FHIT: variants seen among roughly 807,000 people sequenced by gnomAD.
FHIT encodes bis(5'-adenosyl)-triphosphatase.
A neutral mutation model predicts 17.9 loss-of-function variants in FHIT; 19 were observed. The observed-to-expected ratio is 1.06, with a 90% confidence interval of 0.74 to 1.56. The LOEUF is 1.56. Among genes scored for constraint, FHIT ranks in the 40% most tolerant of loss-of-function variants. The pLI, the probability that FHIT is intolerant of heterozygous loss-of-function variation, is 0.00. For synonymous variants in FHIT, 81 were observed against 69.7 expected, an observed-to-expected ratio of 1.16 and a Z score of -0.81; for missense variants, 248 against 189.2, an observed-to-expected ratio of 1.31 and a Z score of -1.82.
At chr3:60,714,004 C>T (rs2041612434) in intron 4 of FHIT, among the ~76,000 whole-genome samples, 1 of 152,078 alleles carries the variant, frequency 6.6e-6, no homozygotes, top group Non-Finnish European at 1.5e-5. Context: ...AGACCAATAT[C>T]CTTGATGAAC....
chr3:61,073,193 T>C (rs988202196), intron 2 of FHIT, among the ~76,000 whole-genome samples: 2 of 152,198 alleles, frequency 1.3e-5, no homozygotes, highest in African/African-American at 4.8e-5. Context: ...GTTCCCTAGA[T>C]AGATCAGGAT....
intron 5 of FHIT, among the ~76,000 whole-genome samples, chr3:60,179,554 G>A (rs1228023680): frequency 2.0e-5 from 3 of 152,084 alleles, no homozygotes; most frequent in Non-Finnish European, 2.9e-5. Context: ...GGGATTTTTG[G>A]AGGATGTGCC....
chr3:60,193,911 G>A (rs764676173), intron 5 of FHIT, among the ~76,000 whole-genome samples: 5 of 152,098 alleles, frequency 3.3e-5, no homozygotes, highest in East Asian at 1.9e-4. Context: ...AAATGGGCTC[G>A]CTTTCCAATC....
intron 1 of FHIT, among the ~76,000 whole-genome samples, chr3:61,216,224 A>C (rs2039670020): frequency 6.6e-6 from 1 of 152,230 alleles, no homozygotes; most frequent in Non-Finnish European, 1.5e-5. Context: ...GAATCGGAGA[A>C]AATGTTTGCA....
chr3:60,421,853 G>A (rs988478579), intron 5 of FHIT, among the ~76,000 whole-genome samples: 3 of 152,142 alleles, frequency 2.0e-5, no homozygotes, highest in Non-Finnish European at 4.4e-5. Context: ...GTATGTATGT[G>A]ATGAGTATGG....
chr3:60,826,690 G>A (rs530835023), intron 3 of FHIT, among the ~76,000 whole-genome samples: 3 of 152,140 alleles, frequency 2.0e-5, no homozygotes, highest in Non-Finnish European at 4.4e-5. Context: ...GAATGACAAG[G>A]AGCTCTCTGC....
intron 8 of FHIT, among the ~76,000 whole-genome samples, chr3:59,919,478 C>A (rs773219642): frequency 6.6e-6 from 1 of 152,172 alleles, no homozygotes; most frequent in Non-Finnish European, 1.5e-5. Context: ...CTTCCCTCTA[C>A]AAGTCTTCCT....
chr3:60,253,015 A>G (rs1705806211), intron 5 of FHIT, among the ~76,000 whole-genome samples: 1 of 152,054 alleles, frequency 6.6e-6, no homozygotes, highest in African/African-American at 2.4e-5. Flanking sequence ...ATAAATGAAT[A>G]AATAATAAAA....
At chr3:60,802,573 T>C (rs563805713) in intron 4 of FHIT, among the ~76,000 whole-genome samples, 2 of 152,344 alleles carry the variant, frequency 1.3e-5, no homozygotes, top group African/African-American at 4.8e-5. Flanking sequence ...TTTCAAAATG[T>C]CCTTCATCCT....
At chr3:60,499,602 A>G (rs961638573) in intron 5 of FHIT, among the ~76,000 whole-genome samples, 2 of 152,006 alleles carry the variant, frequency 1.3e-5, no homozygotes, top group African/African-American at 2.4e-5. Context: ...CGTGGCCTTG[A>G]TCTCCTGACC....
Position 59,917,157 on chromosome 3 carries a change from A to C in FHIT, c.348+5189T>G, listed in dbSNP as rs562107159. 3.9e-5 allele frequency among the ~76,000 whole-genome samples: 6 copies of C among 152,334 alleles called. No individual in the cohort carries two copies. In the South Asian group the frequency reaches 1.2e-3, roughly 32 times the overall value. On this transcript the variant is annotated intron_variant, in intron 8 of 9. Transcript: ENST00000492590. ...TTTTAGCAAGTTGATTTTGCTCATG[A>C]ATTGTGTTAAGCCAAGCAATTGTTT... is the stretch of plus-strand genomic sequence containing the variant.
At chr3:60,713,537 T>A (rs1553705780) in intron 4 of FHIT, among the ~76,000 whole-genome samples, 2 of 150,520 alleles carry the variant, frequency 1.3e-5, no homozygotes, top group African/African-American at 2.4e-5. Context: ...CTAGCAAGAC[T>A]AATAAAGAAA....
chr3:60,229,236 G>A (rs1301123727), intron 5 of FHIT, among the ~76,000 whole-genome samples: 1 of 152,038 alleles, frequency 6.6e-6, no homozygotes, highest in East Asian at 1.9e-4. Context: ...GGGCAACATG[G>A]TGAAACCCTG....
chr3:60,580,193 T>C (rs140804185), intron 4 of FHIT, among the ~76,000 whole-genome samples: 2 of 152,264 alleles, frequency 1.3e-5, no homozygotes, highest in South Asian at 2.1e-4. Context: ...ATACAGTGTA[T>C]AAATGTCTAC....
At chr3:60,784,635 C>T (rs1700502811) in intron 4 of FHIT, among the ~76,000 whole-genome samples, 2 of 152,214 alleles carry the variant, frequency 1.3e-5, no homozygotes, top group African/African-American at 4.8e-5. Flanking sequence ...AGTACTTGGC[C>T]TCCTTCCAGG....
intron 4 of FHIT, among the ~76,000 whole-genome samples, chr3:60,809,532 CA>C (rs1360445598): frequency 2.0e-5 from 3 of 152,144 alleles, no homozygotes; most frequent in Non-Finnish European, 4.4e-5. Flanking sequence ...CTGTGATTTG[CA>C]AACTCTCCTC....
chr3:60,810,133 C>A (rs548771657), intron 4 of FHIT, among the ~76,000 whole-genome samples: 2 of 152,336 alleles, frequency 1.3e-5, no homozygotes, highest in South Asian at 4.1e-4. Context: ...AGCCTCAACA[C>A]ACCCAAGTTG....
chr3:60,178,613 A>C (rs1248050596), intron 5 of FHIT, among the ~76,000 whole-genome samples: 4 of 152,098 alleles, frequency 2.6e-5, no homozygotes, highest in African/African-American at 9.7e-5. Flanking sequence ...AGAAAGAAAA[A>C]GCACAGATAT....
intron 4 of FHIT, among the ~76,000 whole-genome samples, chr3:60,688,966 C>T (rs1182710833): frequency 1.3e-5 from 2 of 152,006 alleles, no homozygotes; most frequent in East Asian, 3.9e-4. Context: ...GGCTCTGTGT[C>T]CCCACCCAAA....
Sources: gnomAD v4.1 joint callset for allele counts (sites outside exome capture counted in the v4.1 genomes callset) on GRCh38, gnomAD v4.1.1 for gene constraint, MANE v1.5 for transcripts, NCBI Gene and HGNC (gene_info 2026-07-23, HGNC 2026-07-21) for gene names.